GRIK2: variants seen among roughly 807,000 people sequenced by gnomAD.
GRIK2 encodes the protein glutamate receptor ionotropic, kainate 2.
In GRIK2, 32 loss-of-function variants were observed where a neutral mutation model predicts 100.3. That is an observed-to-expected ratio of 0.32 (90% CI 0.24 to 0.43). The LOEUF is 0.43. GRIK2 is among the 20% of genes least tolerant of loss of function. The pLI, the probability that GRIK2 is intolerant of heterozygous loss-of-function variation, is 1.00. For synonymous variants in GRIK2, 417 were observed against 389.4 expected, an observed-to-expected ratio of 1.07 and a Z score of -0.83; for missense variants, 843 against 1,114.9, an observed-to-expected ratio of 0.76 and a Z score of 3.47.
At chr6:101,744,580 CTT>C (rs534814290) in intron 7 of GRIK2, 8 of 59,506 alleles carry the variant, frequency 1.3e-4, no homozygotes, top group Non-Finnish European at 1.8e-4. Context: ...TTTTCTTTTT[CTT>C]TTTTTTTTTT....
intron 4 of GRIK2, 146 bp downstream of exon 4, chr6:101,626,783 A>T: frequency 1.6e-6 from 1 of 639,376 alleles, no homozygotes; most frequent in Non-Finnish European, 2.7e-6. Context: ...ATCAAACACC[A>T]ATCCTAATTT....
chr6:101,915,183 A>C (rs2257173), intron 12 of GRIK2, among the ~76,000 whole-genome samples: 13 of 151,282 alleles, frequency 8.6e-5, no homozygotes, highest in African/African-American at 3.1e-4. Context: ...AGTAATATGG[A>C]TAATTTATTG....
chr6:101,597,067 C>T (rs190919260), intron 2 of GRIK2, among the ~76,000 whole-genome samples: 8 of 151,804 alleles, frequency 5.3e-5, no homozygotes, highest in Non-Finnish European at 1.2e-4. Flanking sequence ...CCATAGAAAA[C>T]AACAAAATTA....
intron 2 of GRIK2, among the ~76,000 whole-genome samples, chr6:101,466,906 A>G (rs1235976765): frequency 6.6e-6 from 1 of 152,216 alleles, no homozygotes; most frequent in Non-Finnish European, 1.5e-5. Flanking sequence ...TAAAGGATGG[A>G]TGAATTTTAA....
intron 2 of GRIK2, among the ~76,000 whole-genome samples, chr6:101,556,878 A>G (rs989607809): frequency 6.6e-6 from 1 of 152,318 alleles, no homozygotes; most frequent in Admixed American, 6.5e-5. Context: ...TATTTTTAAA[A>G]AGATAAATAA....
chr6:101,924,722 A>G lies in GRIK2; in HGVS notation c.1867+3A>G, dbSNP rs546584086. ...AGTTGGAGCTCTCATGCAGCAAGGT[A>G]TACGATTCAGCCTGCTATTTCCTTT... On this transcript the variant is annotated splice_donor_region_variant and intron_variant, in intron 13 of 16. Transcript: ENST00000369134. The G allele has an allele frequency of 6.5e-7, 1 of 1,529,976 alleles. No individual in the cohort carries two copies. The allele number at this position is 1,529,976 out of a possible 1,614,324, so 94.8% of individuals were successfully genotyped here.
chr6:101,871,154 TG>T (rs1476462609), intron 11 of GRIK2, among the ~76,000 whole-genome samples: 1 of 151,806 alleles, frequency 6.6e-6, no homozygotes, highest in Non-Finnish European at 1.5e-5. Flanking sequence ...AGCATCAGCA[TG>T]TGAAGAAAAA....
intron 2 of GRIK2, among the ~76,000 whole-genome samples, chr6:101,501,921 C>A (rs995137305): frequency 6.6e-6 from 1 of 152,036 alleles, no homozygotes; most frequent in Admixed American, 6.6e-5. Flanking sequence ...CCATGCCCTG[C>A]TAATTTTGTG....
chr6:101,513,137 A>T (rs1412561622), intron 2 of GRIK2, among the ~76,000 whole-genome samples: 3 of 152,136 alleles, frequency 2.0e-5, no homozygotes, highest in Non-Finnish European at 4.4e-5. Flanking sequence ...GCTTGGTTTT[A>T]TACACTTCAG....
chr6:101,417,040 C>T (rs894123297), intron 2 of GRIK2, among the ~76,000 whole-genome samples: 12 of 152,110 alleles, frequency 7.9e-5, no homozygotes, highest in East Asian at 1.9e-4. Flanking sequence ...TAAAGGAAAG[C>T]GGTTTAATTG....
chr6:102,019,946 T>TA (rs1271564637), intron 14 of GRIK2, among the ~76,000 whole-genome samples: 1 of 152,020 alleles, frequency 6.6e-6, no homozygotes, highest in Non-Finnish European at 1.5e-5. Flanking sequence ...ATCATCATAT[T>TA]ACCCATACAG....
intron 11 of GRIK2, among the ~76,000 whole-genome samples, chr6:101,887,689 G>A (rs1215717080): frequency 2.0e-5 from 3 of 152,076 alleles, no homozygotes; most frequent in Admixed American, 6.6e-5. Context: ...GAAGGAGAGG[G>A]GAAGCAAGCA....
chr6:101,559,189 G>A (rs1365067922), intron 2 of GRIK2, among the ~76,000 whole-genome samples: 2 of 151,850 alleles, frequency 1.3e-5, no homozygotes, highest in African/African-American at 4.8e-5. Flanking sequence ...ACTACCTGCA[G>A]CCTCTTCTCC....
At chr6:101,582,439 G>T (rs145643924) in intron 2 of GRIK2, among the ~76,000 whole-genome samples, 10 of 152,122 alleles carry the variant, frequency 6.6e-5, no homozygotes, top group Non-Finnish European at 1.0e-4. Flanking sequence ...TTCCCCCTTC[G>T]CTTGGCTCTC....
chr6:101,787,765 T>G (rs1464561782), intron 7 of GRIK2, among the ~76,000 whole-genome samples: 2 of 152,166 alleles, frequency 1.3e-5, no homozygotes, highest in African/African-American at 4.8e-5. Flanking sequence ...ATGAGAAGAA[T>G]GTATATTCTG....
At chr6:101,729,343 C>A (rs1562339739) in intron 7 of GRIK2, among the ~76,000 whole-genome samples, 1 of 151,972 alleles carries the variant, frequency 6.6e-6, no homozygotes. Flanking sequence ...CATCTACCCA[C>A]ACACATACAC....
intron 2 of GRIK2, among the ~76,000 whole-genome samples, chr6:101,597,789 G>T (rs1416728218): frequency 6.6e-6 from 1 of 151,688 alleles, no homozygotes; most frequent in Non-Finnish European, 1.5e-5. Context: ...TAGTAGAAGA[G>T]TTGTTAAAAA....
intron 10 of GRIK2, among the ~76,000 whole-genome samples, chr6:101,853,078 G>A (rs1784229344): frequency 6.6e-6 from 1 of 152,144 alleles, no homozygotes; most frequent in South Asian, 2.1e-4. Context: ...ATTCCCATCT[G>A]ATTCAATTTA....
At chr6:101,798,259 G>T (rs1019284076) in intron 7 of GRIK2, among the ~76,000 whole-genome samples, 7 of 151,952 alleles carry the variant, frequency 4.6e-5, no homozygotes, top group African/African-American at 1.7e-4. Flanking sequence ...TTCTGTTGAT[G>T]ATTTTTGTGA....
Sources: gnomAD v4.1 joint callset for allele counts (sites outside exome capture counted in the v4.1 genomes callset) on GRCh38, gnomAD v4.1.1 for gene constraint, MANE v1.5 for transcripts, NCBI Gene and HGNC (gene_info 2026-07-23, HGNC 2026-07-21) for gene names.